The following CEP112 variants were observed in gnomAD, a reference collection of about 807,000 sequenced individuals.
CEP112 encodes centrosomal protein 112.
In CEP112, 127 loss-of-function variants were observed where a neutral mutation model predicts 153.0. The observed-to-expected ratio is 0.83, with a 90% CI of 0.72 to 0.96. The LOEUF (loss-of-function observed/expected upper bound fraction) is 0.96. Among genes scored for constraint, CEP112 ranks in the 40% least tolerant of loss-of-function variants. The probability of loss-of-function intolerance (pLI) is 0.00; values close to 1 mark genes in which losing one functional copy is unlikely to be tolerated. For synonymous variants in CEP112, 358 were observed against 374.4 expected (o/e 0.96, Z 0.51); for missense variants, 1,089 against 1,101.2 (o/e 0.99, Z 0.16).
chr17:65,672,943 G>GT (rs750077941), intron 24 of CEP112, among the ~76,000 whole-genome samples: 4 of 152,158 alleles, frequency 2.6e-5, no homozygotes, highest in Non-Finnish European at 5.9e-5. Flanking sequence ...CCCTGTATTA[G>GT]TTTTTTATCA....
intron 23 of CEP112, among the ~76,000 whole-genome samples, chr17:65,713,562 C>T (rs1385906601): frequency 1.3e-5 from 2 of 152,028 alleles, no homozygotes; most frequent in African/African-American, 4.8e-5. Context: ...AGCTATTATT[C>T]CCTCTCACGT....
At chr17:65,647,144 T>C (rs190604854) in intron 24 of CEP112, among the ~76,000 whole-genome samples, 31 of 151,342 alleles carry the variant, frequency 2.0e-4, no homozygotes, top group Admixed American at 1.9e-3. Flanking sequence ...ATAATTAGTT[T>C]ATATTCCTAT....
chr17:65,821,515 TATATATATATATATATATATA>T (rs1568067054), intron 21 of CEP112, among the ~76,000 whole-genome samples: 92 of 28,802 alleles, frequency 3.2e-3, no homozygotes, highest in Non-Finnish European at 4.9e-3. Flanking sequence ...TATATATAAT[TATATATATATATATATATATA>T]TATATTTTTT....
chr17:66,017,722 T>C (rs1003695432), intron 16 of CEP112, among the ~76,000 whole-genome samples: 49 of 152,204 alleles, frequency 3.2e-4, no homozygotes, highest in South Asian at 2.1e-3. Flanking sequence ...TTGTTTGTGC[T>C]GGGCGCAGTC....
At chr17:66,155,824 C>T (rs1488579711) in intron 4 of CEP112, among the ~76,000 whole-genome samples, 1 of 152,204 alleles carries the variant, frequency 6.6e-6, no homozygotes, top group African/African-American at 2.4e-5. Flanking sequence ...AACCAGACTG[C>T]CTCTCTAGAT....
chr17:65,698,947 A>T (rs902209390), intron 23 of CEP112, among the ~76,000 whole-genome samples: 8 of 152,166 alleles, frequency 5.3e-5, no homozygotes, highest in Admixed American at 5.2e-4. Flanking sequence ...TCTTACAAAG[A>T]CTAATTCACA....
rs1396498444 is a variant in CEP112 at position 66,134,235 on chromosome 17, TTTATTGCA to T, written c.471-1480_471-1473del. The stretch of plus-strand genomic sequence containing the variant: ...AAAATGAGCCTGAAATGTTTATCTA[TTTATTGCA>T]CAGGGTTGCATACATAAAACGACAC... On this transcript the variant is annotated intron_variant, in intron 4 of 26. Transcript: ENST00000535342. 5.9e-5 allele frequency among the ~76,000 whole-genome samples: 9 copies of T among 152,366 alleles called. No homozygotes were observed. The South Asian group carries it at 1.4e-3, about 25-fold the overall frequency.
chr17:65,691,523 G>A (rs976955560), intron 23 of CEP112, among the ~76,000 whole-genome samples: 2 of 152,208 alleles, frequency 1.3e-5, no homozygotes, highest in African/African-American at 4.8e-5. Context: ...CTGTGAATGA[G>A]CTTGCATGCT....
At chr17:66,156,167 A>T (rs2071431212) in intron 4 of CEP112, among the ~76,000 whole-genome samples, 1 of 152,166 alleles carries the variant, frequency 6.6e-6, no homozygotes, top group African/African-American at 2.4e-5. Context: ...CCCCTCTGGG[A>T]CAAAGCTTCC....
intron 24 of CEP112, among the ~76,000 whole-genome samples, chr17:65,668,680 T>C (rs77097758): frequency 0.014 from 2,184 of 152,346 alleles, 15 homozygotes; most frequent in East Asian, 0.042. Flanking sequence ...TTTCCTGGGA[T>C]GGAACAAGAA....
At chr17:65,806,706 ATG>A (rs2055624829) in intron 21 of CEP112, among the ~76,000 whole-genome samples, 1 of 152,110 alleles carries the variant, frequency 6.6e-6, no homozygotes, top group Non-Finnish European at 1.5e-5. Context: ...GGATGGGAAG[ATG>A]TGTCTTGCTT....
rs12936402 is a variant in CEP112 at position 65,951,749 on chromosome 17, C to G, written c.1872+9714G>C. On this transcript the variant is annotated intron_variant, in intron 18 of 26. Transcript: ENST00000535342. ...TCTGCTCTAATCTTCCCCCGCCCCC[C>G]CCTTTCTTCCACTTGCTTAGAAGCT... Among the ~76,000 whole-genome samples the G allele has an allele frequency of 5.7e-3, 610 of 106,170 alleles. 34 individuals carry two copies. Among genetic ancestry groups the G allele is most frequent in the African/African-American group, 0.018 (556 of 31,220 alleles). 69.7% of individuals were successfully genotyped at this position (106,170 alleles called of 152,430 possible).
At chr17:66,038,110 A>AAAAAGAAAAG (rs1555778645) in intron 12 of CEP112, among the ~76,000 whole-genome samples, 8 of 120,704 alleles carry the variant, frequency 6.6e-5, no homozygotes, top group African/African-American at 2.3e-4. Context: ...CAAAAAAAAA[A>AAAAAGAAAAG]AAAAGAAAAG....
intron 23 of CEP112, among the ~76,000 whole-genome samples, chr17:65,696,127 C>G (rs932572574): frequency 1.3e-5 from 2 of 152,228 alleles, no homozygotes; most frequent in Admixed American, 6.5e-5. Context: ...TTCTGTCATG[C>G]AGCTTGTAGA....
chr17:65,957,676 A>G (rs1249970585), intron 18 of CEP112, among the ~76,000 whole-genome samples: 1 of 152,034 alleles, frequency 6.6e-6, no homozygotes, highest in Non-Finnish European at 1.5e-5. Flanking sequence ...ATTAATGTTT[A>G]TTATTACAAT....
At chr17:66,141,617 G>A (rs911461719) in intron 4 of CEP112, among the ~76,000 whole-genome samples, 21 of 152,154 alleles carry the variant, frequency 1.4e-4, no homozygotes, top group African/African-American at 4.8e-4. Flanking sequence ...CCTCTTCTAT[G>A]GGTTTGACTA....
chr17:66,187,159 C>A (rs2072968889), intron 1 of CEP112, among the ~76,000 whole-genome samples: 1 of 146,924 alleles, frequency 6.8e-6, no homozygotes, highest in South Asian at 2.1e-4. Flanking sequence ...ACTTGAACTA[C>A]TGTGGCAGCC....
intron 4 of CEP112, among the ~76,000 whole-genome samples, chr17:66,171,817 G>C (rs1398428461): frequency 6.6e-6 from 1 of 152,132 alleles, no homozygotes; most frequent in African/African-American, 2.4e-5. Context: ...AAGATACCCT[G>C]AGATATTTTG....
intron 8 of CEP112, among the ~76,000 whole-genome samples, chr17:66,085,766 C>G (rs1191816579): frequency 6.6e-6 from 1 of 152,066 alleles, no homozygotes; most frequent in African/African-American, 2.4e-5. Flanking sequence ...ATCACGAGGT[C>G]AGGAGTTTGA....
Sources: gnomAD v4.1 joint callset for allele counts (sites outside exome capture counted in the v4.1 genomes callset) on GRCh38, gnomAD v4.1.1 for gene constraint, MANE v1.5 for transcripts, NCBI Gene and HGNC (gene_info 2026-07-23, HGNC 2026-07-21) for gene names.